Variants in FILIP1L observed in about 807,000 individuals in gnomAD.
The protein encoded by FILIP1L is filamin A interacting protein 1 like, also known as filamin A-interacting protein 1-like.
A neutral mutation model predicts 96.6 loss-of-function variants in FILIP1L; 55 were observed. The observed-to-expected ratio is 0.57, with a 90% CI of 0.46 to 0.71. The LOEUF is 0.71. Among genes scored for constraint, FILIP1L ranks in the 30% least tolerant of loss-of-function variants. The pLI, the probability that FILIP1L is intolerant of heterozygous loss-of-function variation, is 0.00. For synonymous variants in FILIP1L, 467 were observed against 473.9 expected (o/e 0.99, Z 0.19); for missense variants, 1,304 against 1,321.2 (o/e 0.99, Z 0.20).
chr3:100,058,107 G>T (rs570064503), intron 1 of FILIP1L, among the ~76,000 whole-genome samples: 2 of 152,276 alleles, frequency 1.3e-5, no homozygotes, highest in African/African-American at 4.8e-5. Flanking sequence ...ACTGGCTGGG[G>T]AAGTTACCTA....
intron 4 of FILIP1L, among the ~76,000 whole-genome samples, chr3:99,863,034 G>C (rs1460594998): frequency 6.6e-6 from 1 of 152,172 alleles, no homozygotes; most frequent in East Asian, 1.9e-4. Context: ...GATACTCATA[G>C]ACTTGGTCTA....
chr3:99,862,001 C>T lies in FILIP1L; in HGVS notation c.606-10931G>A, dbSNP rs147910103. On this transcript the variant is annotated intron_variant, in intron 4 of 5. Coordinates refer to ENST00000477258, the MANE Select transcript of FILIP1L (RefSeq NM_001387850.1). The stretch of plus-strand genomic sequence containing the variant: ...TAAAAAACAATCCATACAAAAAGTC[C>T]TTATCATAGTGCCTGGCACAATACA... Among the ~76,000 whole-genome samples the T allele has an allele frequency of 7.2e-3, 1,096 of 152,148 alleles. 18 individuals are homozygous for T. The highest frequency in any genetic ancestry group is 0.024 in the African/African-American group (1,011 of 41,482).
At chr3:99,971,609 C>G (rs1315639444) in intron 1 of FILIP1L, among the ~76,000 whole-genome samples, 2 of 152,194 alleles carry the variant, frequency 1.3e-5, no homozygotes, top group Non-Finnish European at 2.9e-5. Context: ...TGTAGCCACT[C>G]CCTGATCTAA....
chr3:100,027,115 C>G (rs1046564806), intron 1 of FILIP1L, among the ~76,000 whole-genome samples: 1 of 152,144 alleles, frequency 6.6e-6, no homozygotes, highest in African/African-American at 2.4e-5. Flanking sequence ...CTTGGACACG[C>G]TATCTAAACT....
chr3:100,016,070 C>T (rs920115103), intron 1 of FILIP1L, among the ~76,000 whole-genome samples: 1 of 152,190 alleles, frequency 6.6e-6, no homozygotes, highest in Non-Finnish European at 1.5e-5. Flanking sequence ...TTATTATTCA[C>T]AACACTTCAT....
chr3:99,833,950 A>G (rs1942791744), intron 5 of FILIP1L, among the ~76,000 whole-genome samples: 1 of 152,256 alleles, frequency 6.6e-6, no homozygotes, highest in African/African-American at 2.4e-5. Context: ...ATGATGATGG[A>G]TATGGTGATG....
intron 1 of FILIP1L, among the ~76,000 whole-genome samples, chr3:100,038,444 A>C (rs777520690): frequency 6.6e-6 from 1 of 152,198 alleles, no homozygotes; most frequent in Non-Finnish European, 1.5e-5. Context: ...TTTTGCTTAT[A>C]GAGAATTCGA....
chr3:100,086,068 G>A (rs1475901181), intron 1 of FILIP1L, among the ~76,000 whole-genome samples: 2 of 152,218 alleles, frequency 1.3e-5, no homozygotes, highest in East Asian at 3.8e-4. Context: ...TAAACTTGAT[G>A]TTTGGTTTCC....
chr3:99,888,245 A>C (rs1705971888), intron 4 of FILIP1L, among the ~76,000 whole-genome samples: 1 of 152,104 alleles, frequency 6.6e-6, no homozygotes, highest in Non-Finnish European at 1.5e-5. Flanking sequence ...TATGTTGTGC[A>C]CCTGTTGCTA....
Position 99,909,563 on chromosome 3 carries a change from G to A in FILIP1L, c.605+14667C>T, listed in dbSNP as rs146061113. Among the ~76,000 whole-genome samples the A allele has an allele frequency of 1.2e-4, 19 of 152,242 alleles. No homozygotes were observed. In the East Asian group the frequency reaches 3.1e-3, roughly 25 times the overall value. ...AAGGGCAAGATTTCTTTTAGGTGAAGCAGAAACTCTCTAGAGTAAGAGAAT... is the reference window on the plus strand; with the variant it reads ...AAGGGCAAGATTTCTTTTAGGTGAAACAGAAACTCTCTAGAGTAAGAGAAT... On this transcript the variant is annotated intron_variant, in intron 4 of 5. Coordinates refer to ENST00000477258, the MANE Select transcript of FILIP1L (RefSeq NM_001387850.1).
intron 1 of FILIP1L, among the ~76,000 whole-genome samples, chr3:99,963,114 GT>G (rs1708542615): frequency 6.6e-6 from 1 of 152,218 alleles, no homozygotes; most frequent in Non-Finnish European, 1.5e-5. Context: ...CCTACAGAGG[GT>G]AAAATAATTA....
chr3:99,931,189 A>G (rs1340596070), intron 1 of FILIP1L, among the ~76,000 whole-genome samples, 159 bp from the exon 2 acceptor site: 3 of 152,160 alleles, frequency 2.0e-5, no homozygotes, highest in African/African-American at 4.8e-5. Context: ...TAGCAGATTC[A>G]TAAATCACAG....
intron 1 of FILIP1L, among the ~76,000 whole-genome samples, chr3:100,050,112 T>C (rs2065344899): frequency 6.6e-6 from 1 of 152,198 alleles, no homozygotes; most frequent in South Asian, 2.1e-4. Context: ...ATGAATCTAT[T>C]AAGGGCATCA....
intron 1 of FILIP1L, among the ~76,000 whole-genome samples, chr3:99,965,811 G>A (rs965724897): frequency 3.3e-5 from 5 of 152,210 alleles, no homozygotes; most frequent in African/African-American, 9.6e-5. Flanking sequence ...TTTATAAACT[G>A]CATGCTGTTT....
chr3:100,060,047 A>C, intron 1 of FILIP1L, among the ~76,000 whole-genome samples: 1 of 136,130 alleles, frequency 7.3e-6, no homozygotes, highest in Non-Finnish European at 1.6e-5. Flanking sequence ...GGTTGGGGAA[A>C]TGGGGGCGGG....
intron 1 of FILIP1L, among the ~76,000 whole-genome samples, chr3:99,971,044 A>C (rs972885921): frequency 3.9e-5 from 6 of 152,210 alleles, no homozygotes; most frequent in Non-Finnish European, 8.8e-5. Flanking sequence ...GTGTCTCTTA[A>C]GAGAATATGG....
chr3:99,981,542 T>C (rs184050140), intron 1 of FILIP1L, among the ~76,000 whole-genome samples: 7 of 152,312 alleles, frequency 4.6e-5, no homozygotes, highest in African/African-American at 1.7e-4. Context: ...CCTGATTTGA[T>C]CATCACACAG....
chr3:99,915,410 A>T (rs904225087), intron 4 of FILIP1L, among the ~76,000 whole-genome samples: 1 of 152,196 alleles, frequency 6.6e-6, no homozygotes. Flanking sequence ...GATTTTTCAT[A>T]ATAACTTTAG....
chr3:100,087,409 T>G (rs2066028775), intron 1 of FILIP1L, among the ~76,000 whole-genome samples: 1 of 152,206 alleles, frequency 6.6e-6, no homozygotes, highest in Non-Finnish European at 1.5e-5. Context: ...GACTGGGTTT[T>G]GTTTTCTTTT....
Sources: allele counts gnomAD v4.1 joint callset (sites outside exome capture counted in the v4.1 genomes callset), GRCh38; gene constraint gnomAD v4.1.1; transcripts MANE v1.5; gene names NCBI Gene and HGNC (gene_info 2026-07-23, HGNC 2026-07-21).